Variants in EPHA6 observed in about 807,000 individuals in gnomAD.
The protein encoded by EPHA6 is EPH receptor A6.
In EPHA6, 50 loss-of-function variants were observed where a neutral mutation model predicts 112.0. That is an observed-to-expected ratio of 0.45 (90% confidence interval 0.36 to 0.56). The LOEUF is 0.56. EPHA6 is among the 20% of genes least tolerant of loss of function. The probability of loss-of-function intolerance (pLI) is 0.00; values close to 1 mark genes in which losing one functional copy is unlikely to be tolerated. For synonymous variants in EPHA6, 529 were observed against 490.7 expected (o/e 1.08, Z -1.03); for missense variants, 1,280 against 1,417.4 (o/e 0.90, Z 1.56).
At chr3:97,645,098 T>C (rs1221152351) in intron 14 of EPHA6, among the ~76,000 whole-genome samples, 2 of 152,150 alleles carry the variant, frequency 1.3e-5, no homozygotes, top group African/African-American at 4.8e-5. Context: ...CATGTGAAAG[T>C]CAATGTGGCG....
chr3:97,481,325 A>C, intron 9 of EPHA6: 1 of 1,555,134 alleles, frequency 6.4e-7, no homozygotes, highest in East Asian at 2.3e-5. Flanking sequence ...CCAGTTGTAG[A>C]GATGTTTCAC....
chr3:97,179,620 G>T (rs1208138142), intron 3 of EPHA6, among the ~76,000 whole-genome samples: 1 of 152,042 alleles, frequency 6.6e-6, no homozygotes, highest in East Asian at 1.9e-4. Context: ...GACTTTTAGA[G>T]GTACTGCCTT....
At chr3:96,982,956 A>G (rs907055142) in intron 2 of EPHA6, among the ~76,000 whole-genome samples, 3 of 152,014 alleles carry the variant, frequency 2.0e-5, no homozygotes, top group East Asian at 1.9e-4. Context: ...GTCTCTGCAT[A>G]TGTGATGGGT....
At chr3:97,213,899 C>G (rs10511160) in intron 3 of EPHA6, among the ~76,000 whole-genome samples, 1 of 151,812 alleles carries the variant, frequency 6.6e-6, no homozygotes, top group East Asian at 1.9e-4. Context: ...GTTTATTCAA[C>G]GGGAAGTTCA....
chr3:97,693,108 T>C (rs1447630047), intron 14 of EPHA6, among the ~76,000 whole-genome samples: 1 of 152,240 alleles, frequency 6.6e-6, no homozygotes, highest in Non-Finnish European at 1.5e-5. Flanking sequence ...GAAAATGCTG[T>C]CTGGTTCAGT....
chr3:97,550,587 C>T (rs555162351), intron 11 of EPHA6, among the ~76,000 whole-genome samples: 1 of 152,296 alleles, frequency 6.6e-6, no homozygotes, highest in African/African-American at 2.4e-5. Flanking sequence ...TGGGAAGACA[C>T]TGATGCAATT....
At chr3:96,823,762 T>C (rs2033453950) in intron 1 of EPHA6, among the ~76,000 whole-genome samples, 1 of 151,854 alleles carries the variant, frequency 6.6e-6, no homozygotes, top group Non-Finnish European at 1.5e-5. Flanking sequence ...TGTAGAATAC[T>C]AGAACATTTA....
intron 3 of EPHA6, among the ~76,000 whole-genome samples, chr3:97,128,247 A>T (rs2048237587): frequency 6.6e-6 from 1 of 152,094 alleles, no homozygotes; most frequent in African/African-American, 2.4e-5. Context: ...TATTTTCTTT[A>T]TTCATCAGTT....
chr3:96,901,595 A>G (rs1485603129), intron 2 of EPHA6, among the ~76,000 whole-genome samples: 1 of 152,190 alleles, frequency 6.6e-6, no homozygotes, highest in African/African-American at 2.4e-5. Flanking sequence ...ATAATGTATA[A>G]CATTCAAAAT....
At chr3:97,312,759 T>C (rs2081621878) in intron 5 of EPHA6, among the ~76,000 whole-genome samples, 2 of 151,276 alleles carry the variant, frequency 1.3e-5, no homozygotes, top group Admixed American at 1.3e-4. Context: ...TTTTTTTTTC[T>C]CTAATATTCT....
chr3:97,422,999 T>C (rs757073845), intron 6 of EPHA6, among the ~76,000 whole-genome samples: 11 of 152,124 alleles, frequency 7.2e-5, no homozygotes, highest in Non-Finnish European at 1.6e-4. Context: ...TGAAGGAACA[T>C]ACCTGAAAAT....
chr3:97,437,797 C>T (rs1435242043), intron 6 of EPHA6, among the ~76,000 whole-genome samples: 2 of 152,042 alleles, frequency 1.3e-5, no homozygotes, highest in African/African-American at 4.8e-5. Context: ...CCACCACACC[C>T]AGCCTCAAAT....
chr3:97,504,774 T>G (rs947852322), intron 10 of EPHA6, among the ~76,000 whole-genome samples: 1 of 152,202 alleles, frequency 6.6e-6, no homozygotes, highest in African/African-American at 2.4e-5. Flanking sequence ...AGTTTATTTT[T>G]TATTTTCATA....
chr3:97,081,888 A>G (rs536145615), intron 3 of EPHA6, among the ~76,000 whole-genome samples: 22 of 151,706 alleles, frequency 1.5e-4, no homozygotes, highest in African/African-American at 5.1e-4. Flanking sequence ...AACAAAATTT[A>G]TATACCAACT....
At chr3:97,007,431 C>CTTTTTT (rs61260971) in intron 3 of EPHA6, among the ~76,000 whole-genome samples, 2 of 146,412 alleles carry the variant, frequency 1.4e-5, no homozygotes, top group Admixed American at 6.8e-5. Context: ...GCGGTCCCTG[C>CTTTTTT]TTTTTTTTTT....
intron 14 of EPHA6, among the ~76,000 whole-genome samples, chr3:97,676,282 T>C (rs2031372568): frequency 1.3e-5 from 2 of 151,540 alleles, no homozygotes; most frequent in South Asian, 2.1e-4. Flanking sequence ...ACCAAAGAGG[T>C]AGAAAAAGAG....
chr3:96,886,216 C>T (rs773703671), intron 2 of EPHA6, among the ~76,000 whole-genome samples: 5 of 152,168 alleles, frequency 3.3e-5, no homozygotes, highest in East Asian at 3.9e-4. Flanking sequence ...AGTTTAAGTC[C>T]GTTGTTTCTT....
intron 7 of EPHA6, among the ~76,000 whole-genome samples, chr3:97,457,911 CA>C (rs1217489107): frequency 6.1e-4 from 92 of 151,220 alleles, no homozygotes; most frequent in Admixed American, 4.7e-3. Context: ...ACTAAAAATA[CA>C]AAAAAATTAG....
intron 5 of EPHA6, among the ~76,000 whole-genome samples, chr3:97,306,068 G>A (rs1365937936): frequency 6.6e-6 from 1 of 151,642 alleles, no homozygotes; most frequent in Admixed American, 6.6e-5. Context: ...AAATAAAAAG[G>A]CTAAAATTTC....
Sources: gnomAD v4.1 joint callset for allele counts (sites outside exome capture counted in the v4.1 genomes callset) on GRCh38, gnomAD v4.1.1 for gene constraint, MANE v1.5 for transcripts, NCBI Gene and HGNC (gene_info 2026-07-23, HGNC 2026-07-21) for gene names.